AGBL1: variants seen among roughly 807,000 people sequenced by gnomAD.
AGBL1 encodes cytosolic carboxypeptidase 4.
A neutral mutation model predicts 118.9 loss-of-function variants in AGBL1; 130 were observed. The observed-to-expected ratio is 1.09, with a 90% confidence interval of 0.95 to 1.26. The LOEUF (loss-of-function observed/expected upper bound fraction) is 1.26. AGBL1 is among the 50% of genes most tolerant of loss of function. The pLI is 0.00. For missense variants in AGBL1, 1,584 were observed against 1,298.1 expected, an observed-to-expected ratio of 1.22 and a Z score of -3.38; for synonymous variants, 555 against 478.9, an observed-to-expected ratio of 1.16 and a Z score of -2.08.
At chr15:86,950,521 A>T (rs1369429452) in intron 23 of AGBL1, among the ~76,000 whole-genome samples, 1 of 148,140 alleles carries the variant, frequency 6.8e-6, no homozygotes, top group African/African-American at 2.5e-5. Flanking sequence ...AGAAAAAAAT[A>T]TATATATGTA....
At chr15:86,801,769 T>A (rs1425107645) in intron 22 of AGBL1, among the ~76,000 whole-genome samples, 1 of 152,148 alleles carries the variant, frequency 6.6e-6, no homozygotes, top group African/African-American at 2.4e-5. Context: ...GGAGTTATTA[T>A]TAAACCAGTT....
intron 6 of AGBL1, among the ~76,000 whole-genome samples, chr15:86,247,179 C>T (rs1037960297): frequency 2.0e-5 from 3 of 152,108 alleles, no homozygotes; most frequent in Non-Finnish European, 4.4e-5. Flanking sequence ...CCCAATAATG[C>T]CTTTTATAGC....
intron 13 of AGBL1, among the ~76,000 whole-genome samples, 162 bp from the exon 14 acceptor site, chr15:86,269,757 C>T (rs927114880): frequency 3.9e-5 from 6 of 152,150 alleles, no homozygotes; most frequent in African/African-American, 1.2e-4. Context: ...AAAATCTGTA[C>T]CCAATATTGT....
chr15:86,295,349 C>G lies in AGBL1; in HGVS notation c.2315C>G (p.Pro772Arg). The G allele has an allele frequency of 6.2e-7, 1 of 1,612,282 alleles. No individual in the cohort carries two copies. Among genetic ancestry groups the G allele is most frequent in the Non-Finnish European group, 8.5e-7 (1 of 1,179,092 alleles). ...CAGACGCTGGGAGGGAATCCGTGTC[C>G]CTTGGTGACCATCACGGCCATGCCT... is the stretch of plus-strand genomic sequence containing the variant. ...LCQTLGGNPC[P>R]LVTITAMPES... Residue 772 changes from proline to arginine, a missense_variant, in exon 17 of 23, where the codon CCC becomes CGC. By Grantham distance (103) the Pro-to-Arg change is moderately radical. Coordinates refer to ENST00000614907, the MANE Select transcript of AGBL1 (RefSeq NM_001386094.1).
chr15:86,714,324 G>A (rs987167490), intron 22 of AGBL1, among the ~76,000 whole-genome samples: 1 of 152,116 alleles, frequency 6.6e-6, no homozygotes, highest in African/African-American at 2.4e-5. Context: ...GAATGTCAGT[G>A]GGCTGAGCTG....
At chr15:86,266,629 G>C (rs531044238) in intron 12 of AGBL1, among the ~76,000 whole-genome samples, 172 bp downstream of exon 12, 16 of 152,210 alleles carry the variant, frequency 1.1e-4, no homozygotes, top group African/African-American at 3.6e-4. Context: ...TCGGCCAGGC[G>C]CAGTGGCTCA....
chr15:86,369,666 C>G (rs1249220248), intron 17 of AGBL1, among the ~76,000 whole-genome samples: 1 of 152,028 alleles, frequency 6.6e-6, no homozygotes, highest in Non-Finnish European at 1.5e-5. Context: ...TCTCTGCTAA[C>G]AAGAGACATA....
chr15:86,474,484 C>T (rs1177848671), intron 18 of AGBL1, among the ~76,000 whole-genome samples: 1 of 152,228 alleles, frequency 6.6e-6, no homozygotes, highest in Non-Finnish European at 1.5e-5. Context: ...ATTGCCAGCA[C>T]AGCAGTCTGA....
chr15:86,904,531 TTA>T (rs1254658556), intron 22 of AGBL1, among the ~76,000 whole-genome samples: 1 of 149,618 alleles, frequency 6.7e-6, no homozygotes, highest in Non-Finnish European at 1.5e-5. Flanking sequence ...ACTCCTAAAT[TTA>T]TATATATGTT....
At chr15:86,229,039 A>G (rs1193116733) in intron 6 of AGBL1, among the ~76,000 whole-genome samples, 2 of 152,184 alleles carry the variant, frequency 1.3e-5, no homozygotes, top group African/African-American at 2.4e-5. Flanking sequence ...CTGTATTGAA[A>G]GTTTTGCCTT....
intron 22 of AGBL1, among the ~76,000 whole-genome samples, chr15:86,722,630 T>C (rs1464464040): frequency 1.3e-5 from 2 of 152,094 alleles, no homozygotes; most frequent in Non-Finnish European, 2.9e-5. Context: ...CCAAAAGCAA[T>C]GGCAACAAAA....
At chr15:86,267,766 T>C (rs1448475576) in intron 13 of AGBL1, among the ~76,000 whole-genome samples, 2 of 152,226 alleles carry the variant, frequency 1.3e-5, no homozygotes, top group Non-Finnish European at 2.9e-5. Flanking sequence ...CTTTCTATTA[T>C]AGCAGTGTGG....
intron 22 of AGBL1, among the ~76,000 whole-genome samples, chr15:86,858,045 T>C (rs976627918): frequency 1.5e-4 from 23 of 152,188 alleles, no homozygotes; most frequent in Non-Finnish European, 3.4e-4. Flanking sequence ...TCTGCCCACG[T>C]AACACCTTAT....
intron 22 of AGBL1, among the ~76,000 whole-genome samples, chr15:86,843,924 T>C (rs1258615447): frequency 6.6e-6 from 1 of 152,174 alleles, no homozygotes; most frequent in Non-Finnish European, 1.5e-5. Flanking sequence ...CCCAGACAAC[T>C]ACTAATCTTT....
At chr15:86,723,428 T>C (rs2086765773) in intron 22 of AGBL1, among the ~76,000 whole-genome samples, 1 of 152,100 alleles carries the variant, frequency 6.6e-6, no homozygotes, top group Non-Finnish European at 1.5e-5. Context: ...CACCACATGT[T>C]CTCACTCCTA....
chr15:86,489,896 G>A (rs980015217), intron 18 of AGBL1, among the ~76,000 whole-genome samples: 5 of 152,058 alleles, frequency 3.3e-5, no homozygotes, highest in Admixed American at 2.6e-4. Context: ...ATAGCTGGGT[G>A]GTATTTTCTG....
At chr15:86,608,369 C>G (rs79816853) in intron 21 of AGBL1, among the ~76,000 whole-genome samples, 1 of 152,180 alleles carries the variant, frequency 6.6e-6, no homozygotes, top group African/African-American at 2.4e-5. Context: ...CCCAAATTCA[C>G]TTTCCAATCT....
At chr15:86,958,537 A>G (rs2080957214) in intron 23 of AGBL1, among the ~76,000 whole-genome samples, 2 of 152,170 alleles carry the variant, frequency 1.3e-5, no homozygotes, top group Non-Finnish European at 2.9e-5. Context: ...AAAGTTTAGT[A>G]TAAGGTTCTG....
chr15:86,666,478 A>ACTG (rs2085646970), intron 21 of AGBL1, among the ~76,000 whole-genome samples: 1 of 152,136 alleles, frequency 6.6e-6, no homozygotes, highest in Non-Finnish European at 1.5e-5. Context: ...TCAAATGAAG[A>ACTG]TAATGTGATT....
Sources: allele counts gnomAD v4.1 joint callset (sites outside exome capture counted in the v4.1 genomes callset), GRCh38; gene constraint gnomAD v4.1.1; transcripts MANE v1.5; gene names NCBI Gene and HGNC (gene_info 2026-07-23, HGNC 2026-07-21).